RADIL: variants seen among roughly 807,000 people sequenced by gnomAD.
The protein encoded by RADIL is Rap associating with DIL domain.
In RADIL, 99 loss-of-function variants were observed where a neutral mutation model predicts 97.6. That is an observed-to-expected ratio of 1.01 (90% CI 0.86 to 1.20). RADIL has a LOEUF of 1.20. Among genes scored for constraint, RADIL ranks in the 50% most tolerant of loss-of-function variants. The pLI is 0.00. For synonymous variants in RADIL, 803 were observed against 691.8 expected (o/e 1.16, Z -2.52); for missense variants, 1,765 against 1,498.9 (o/e 1.18, Z -2.93).
At chr7:4,845,003 A>C (rs911114647) in intron 2 of RADIL, among the ~76,000 whole-genome samples, 1 of 151,620 alleles carries the variant, frequency 6.6e-6, no homozygotes, top group African/African-American at 2.4e-5. Flanking sequence ...AAAGGGACCG[A>C]ATTAAGAAAC....
intron 2 of RADIL, among the ~76,000 whole-genome samples, chr7:4,871,415 C>G (rs1583324977): frequency 6.6e-6 from 1 of 152,242 alleles, no homozygotes; most frequent in Non-Finnish European, 1.5e-5. Flanking sequence ...ACACAACAGT[C>G]CCTGCGGCCC....
At chr7:4,868,425 G>A in intron 2 of RADIL, among the ~76,000 whole-genome samples, 1 of 152,186 alleles carries the variant, frequency 6.6e-6, no homozygotes, top group East Asian at 1.9e-4. Context: ...TTAGCTATCA[G>A]CAACCCTCAC....
At chr7:4,831,199 G>GA (rs1554262870) in intron 5 of RADIL, among the ~76,000 whole-genome samples, 21,539 of 119,330 alleles carry the variant, frequency 0.18, 1,952 homozygotes, top group East Asian at 0.4. Flanking sequence ...CTCAAAAAAA[G>GA]AAAAAAAAAA....
rs940785504 is a variant in RADIL, at chr7:4,879,251, C to T, written c.-64-1048G>A. Among the ~76,000 whole-genome samples the T allele has an allele frequency of 6.6e-6, 1 of 152,244 alleles. No homozygotes were observed. The highest frequency in any genetic ancestry group is 2.4e-5 in the African/African-American group (1 of 41,466). On this transcript the variant is annotated intron_variant, in intron 1 of 14. Coordinates refer to ENST00000399583, the MANE Select transcript of RADIL (RefSeq NM_018059.5). This position sits in a 1 kb window ranked among gnomAD's most constrained non-coding sequence, Gnocchi z 4.1. ...GCCTGGGACGCGTTGGCGTGTCATACAATCACACTTCTAATGTCCGTAGCG... is the reference window on the plus strand; with the variant it reads ...GCCTGGGACGCGTTGGCGTGTCATATAATCACACTTCTAATGTCCGTAGCG...
chr7:4,825,845 G>A lies in RADIL; in HGVS notation c.1455-3291C>T, dbSNP rs948788221. On this transcript the variant is annotated intron_variant, in intron 5 of 14. Transcript: ENST00000399583. ...TGCAGTGAGCCAAGATTGTGCCACT[G>A]TACTCCAGCCTGGGCTACAGAGCGA... Among the ~76,000 whole-genome samples, 3 of 134,014 alleles carry A rather than the reference G, an allele frequency of 2.2e-5. No individual in the cohort carries two copies. The East Asian group carries it at 7.6e-4, about 34-fold the overall frequency. 87.9% of individuals were successfully genotyped at this position (134,014 alleles called of 152,430 possible).
At chr7:4,810,352 T>G (rs1782505666) in intron 9 of RADIL, among the ~76,000 whole-genome samples, 1 of 151,894 alleles carries the variant, frequency 6.6e-6, no homozygotes, top group African/African-American at 2.4e-5. Context: ...GGAAAGATGA[T>G]GTGGGGTGGT....
rs996878884 is a variant in RADIL at position 4,879,117 on chromosome 7, C to T, written c.-64-914G>A. Among the ~76,000 whole-genome samples the T allele has an allele frequency of 2.4e-4, 36 of 152,350 alleles. No homozygotes were observed. The highest frequency in any genetic ancestry group is 7.9e-4 in the African/African-American group (33 of 41,588). On this transcript the variant is annotated intron_variant, in intron 1 of 14. Transcript: ENST00000399583. The surrounding 1 kb of genome is among the most constrained non-coding windows in gnomAD (Gnocchi z 4.1). ...CACGGCGGGCACAAAGGGCCCCTCT[C>T]GAGCCGGTGCAGGCATGGCCGGAAT...
At chr7:4,859,625 T>G (rs1783923095) in intron 2 of RADIL, 1 of 410,086 alleles carries the variant, frequency 2.4e-6, no homozygotes, top group Admixed American at 4.0e-5. Context: ...GACAACAGGT[T>G]CAGTTGGCAG....
intron 10 of RADIL, chr7:4,804,027 A>C (rs898086227): frequency 5.8e-6 from 3 of 517,248 alleles, no homozygotes. Flanking sequence ...AGCCCCACTG[A>C]GCCGCTCTGC....
At chr7:4,805,404 CGGGG>C in intron 10 of RADIL, 158 bp downstream of exon 10, 26 of 771,014 alleles carry the variant, frequency 3.4e-5, no homozygotes, top group South Asian at 1.3e-4. Context: ...GGGGATGGGG[CGGGG>C]CGGGGGGGTC....
At chr7:4,820,205 C>T (rs913244021) in intron 6 of RADIL, among the ~76,000 whole-genome samples, 11 of 152,214 alleles carry the variant, frequency 7.2e-5, no homozygotes, top group Non-Finnish European at 8.8e-5. Flanking sequence ...GCCGCAACTC[C>T]GGAGTTGCCT....
At chr7:4,823,788 A>T (rs7788883) in intron 5 of RADIL, among the ~76,000 whole-genome samples, 1 of 152,090 alleles carries the variant, frequency 6.6e-6, no homozygotes, top group Non-Finnish European at 1.5e-5. Context: ...TGTCCTCAGC[A>T]GCCTCTTGGA....
intron 2 of RADIL, among the ~76,000 whole-genome samples, chr7:4,856,774 C>T (rs28693978): frequency 0.021 from 3,134 of 152,254 alleles, 127 homozygotes; most frequent in African/African-American, 0.072. Flanking sequence ...CATGCATTTT[C>T]CAATTGTGGG....
chr7:4,833,126 C>A (rs549773235), intron 4 of RADIL, among the ~76,000 whole-genome samples: 2 of 152,264 alleles, frequency 1.3e-5, no homozygotes, highest in African/African-American at 4.8e-5. Context: ...AGCCACACAG[C>A]GAGCCCCAGG....
At chr7:4,874,550 G>A (rs975153052) in intron 2 of RADIL, among the ~76,000 whole-genome samples, 8 of 152,242 alleles carry the variant, frequency 5.3e-5, no homozygotes, top group East Asian at 1.9e-4. Context: ...AGCCAGAGAA[G>A]GTCAGCAAGG....
At position 4,842,610 on chromosome 7, in the gene RADIL, T is replaced by A. The variant is rs1317520851; in HGVS notation, c.536-6005A>T. Among the ~76,000 whole-genome samples, 1 of 152,160 alleles carries A rather than the reference T, an allele frequency of 6.6e-6. No individual in the cohort carries two copies. The highest frequency in any genetic ancestry group is 1.5e-5 in the Non-Finnish European group (1 of 68,016). On this transcript the variant is annotated intron_variant, in intron 2 of 14. Coordinates refer to ENST00000399583, the MANE Select transcript of RADIL (RefSeq NM_018059.5). This position sits in a 1 kb window ranked among gnomAD's most constrained non-coding sequence, Gnocchi z 4.5. ...GCCCTGGAAAGAAAAACACAGGCTC[T>A]TCCTGAACGTTGCTCAATTCCTCTA...
In RADIL at chr7:4,814,155, T is replaced by A. The variant is rs973910150; in HGVS notation, c.2139+1123A>T. On this transcript the variant is annotated intron_variant, in intron 9 of 14. Coordinates refer to ENST00000399583, the MANE Select transcript of RADIL (RefSeq NM_018059.5). This position sits in a 1 kb window ranked among gnomAD's most constrained non-coding sequence, Gnocchi z 4.5. ...CTTCCAAAATCGCATTGCTTTTGCC[T>A]CCTCTAGATTTTATCCTCATGGGTT... Among the ~76,000 whole-genome samples, 1 of 152,184 alleles carries A rather than the reference T, an allele frequency of 6.6e-6. No homozygotes were observed. The highest frequency in any genetic ancestry group is 1.5e-5 in the Non-Finnish European group (1 of 68,036).
Position 4,835,444 on chromosome 7 carries a change from G to A in RADIL, c.784-205C>T, listed in dbSNP as rs1360344018. On this transcript the variant is annotated intron_variant, in intron 3 of 14. Coordinates refer to ENST00000399583, the MANE Select transcript of RADIL (RefSeq NM_018059.5). This position sits in a 1 kb window ranked among gnomAD's most constrained non-coding sequence, Gnocchi z 5.8. ...GTCCGGGCCCATCCCAGAGGAGGTC[G>A]GTTTCCCGGAGGAGCACACGAGAGA... 6.6e-6 allele frequency among the ~76,000 whole-genome samples: 1 copy of A among 152,088 alleles called. No homozygotes were observed. The highest frequency in any genetic ancestry group is 1.5e-5 in the Non-Finnish European group (1 of 68,018).
At chr7:4,801,626 C>A (rs1259994450) in intron 12 of RADIL, 27 bp downstream of exon 12, 5 of 1,564,338 alleles carry the variant, frequency 3.2e-6, no homozygotes, top group Non-Finnish European at 3.5e-6. Flanking sequence ...GGGGTGGGTT[C>A]CCGCCTGAGC....
Sources: gnomAD v4.1 joint callset for allele counts (sites outside exome capture counted in the v4.1 genomes callset) on GRCh38, gnomAD v4.1.1 for gene constraint, Gnocchi (gnomAD v3.1) non-coding constraint, MANE v1.5 for transcripts, NCBI Gene and HGNC (gene_info 2026-07-23, HGNC 2026-07-21) for gene names.